The following SLC10A6 variants were observed in gnomAD, a reference collection of about 807,000 sequenced individuals.
The protein encoded by SLC10A6 is sodium-dependent organic anion transporter.
Under a neutral mutation model 30.0 loss-of-function variants are expected in SLC10A6, and 27 were observed. The ratio of observed to expected loss-of-function variants is 0.90; its 90% CI spans 0.66 to 1.24. The LOEUF is 1.24. Ranked by LOEUF, SLC10A6 falls within the 50% of genes most tolerant of loss-of-function variation. SLC10A6 has a pLI of 0.00. For missense variants in SLC10A6, 439 were observed against 457.0 expected (o/e 0.96, Z 0.36); for synonymous variants, 166 against 173.8 (o/e 0.95, Z 0.36).
chr4:86,849,214 C>A lies in SLC10A6; in HGVS notation c.-99G>T. 3 of 1,364,690 alleles carry A rather than the reference C, an allele frequency of 2.2e-6. No homozygotes were observed. Among genetic ancestry groups the A allele is most frequent in the Non-Finnish European group, 3.0e-6 (3 of 1,003,282 alleles). The allele number at this position is 1,364,690 out of a possible 1,614,324, so 84.5% of individuals were successfully genotyped here. A position where few individuals can be genotyped will look rare whatever the true frequency, so the allele number is the denominator to read the frequency against. ...TTTGTAATAGTGCAACGAAGTCACA[C>A]ATGGAGAATCATTCCAATAACTGTT... On this transcript the variant is annotated 5_prime_UTR_variant, in exon 1 of 6. The change abolishes an upstream ATG in the 5' untranslated region. Transcript: ENST00000273905.
intron 3 of SLC10A6, 68 bp from the exon 4 acceptor site, chr4:86,828,236 A>G: frequency 1.3e-6 from 2 of 1,490,894 alleles, no homozygotes; most frequent in Non-Finnish European, 1.8e-6. Context: ...AAAGTCCATC[A>G]AGGTTGTAAA....
intron 1 of SLC10A6, among the ~76,000 whole-genome samples, chr4:86,841,177 G>A (rs777446684): frequency 2.0e-5 from 3 of 152,164 alleles, no homozygotes; most frequent in Non-Finnish European, 4.4e-5. Flanking sequence ...GGCTCAAACA[G>A]CAGAAAGGTA....
intron 5 of SLC10A6, among the ~76,000 whole-genome samples, chr4:86,824,844 T>G (rs1486892378): frequency 6.6e-6 from 1 of 152,212 alleles, no homozygotes; most frequent in Non-Finnish European, 1.5e-5. Flanking sequence ...GCATTATATA[T>G]ATTTTTAAAT....
In SLC10A6 at chr4:86,837,338, G is replaced by GC. The variant is rs1560460509; in HGVS notation, c.378-3915_378-3914insG. On this transcript the variant is annotated intron_variant, in intron 1 of 5. Coordinates refer to ENST00000273905, the MANE Select transcript of SLC10A6 (RefSeq NM_197965.3). ...GGAAGGAAGGAAGGAAGGAAGGAAG[G>GC]AAGGAAGGCAGGCAGGCAGGCTGGG... Among the ~76,000 whole-genome samples, 677 of 150,184 alleles carry GC rather than the reference G, an allele frequency of 4.5e-3. 76 individuals are homozygous for GC. Among genetic ancestry groups the GC allele is most frequent in the African/African-American group, 0.015 (606 of 40,472 alleles).
intron 1 of SLC10A6, among the ~76,000 whole-genome samples, chr4:86,848,347 G>A (rs1439516352): frequency 6.6e-6 from 1 of 152,180 alleles, no homozygotes; most frequent in African/African-American, 2.4e-5. Flanking sequence ...CTATGCCACT[G>A]ACACAACCAC....
At chr4:86,840,825 A>T (rs1746277865) in intron 1 of SLC10A6, among the ~76,000 whole-genome samples, 2 of 152,204 alleles carry the variant, frequency 1.3e-5, no homozygotes, top group South Asian at 4.1e-4. Flanking sequence ...AAATACCTCC[A>T]CATAAATTTC....
intron 2 of SLC10A6, among the ~76,000 whole-genome samples, chr4:86,832,584 C>CT (rs1300668068): frequency 7.3e-6 from 1 of 136,076 alleles, no homozygotes; most frequent in African/African-American, 3.2e-5. Flanking sequence ...GAGCAAAACT[C>CT]TGTCTCAAAA....
At chr4:86,848,411 C>A (rs1445122180) in intron 1 of SLC10A6, among the ~76,000 whole-genome samples, 1 of 152,152 alleles carries the variant, frequency 6.6e-6, no homozygotes, top group Non-Finnish European at 1.5e-5. Context: ...TGGTTTAAGT[C>A]CTAGGAGTTG....
At chr4:86,839,294 T>C (rs992012378) in intron 1 of SLC10A6, among the ~76,000 whole-genome samples, 1 of 126,484 alleles carries the variant, frequency 7.9e-6, no homozygotes, top group African/African-American at 3.0e-5. Context: ...AAAAAAAAAG[T>C]ACAAAAATTA....
At chr4:86,835,421 C>T (rs986049774) in intron 1 of SLC10A6, among the ~76,000 whole-genome samples, 1 of 152,204 alleles carries the variant, frequency 6.6e-6, no homozygotes, top group African/African-American at 2.4e-5. Context: ...AATCCCAGCA[C>T]TTTGGGAGGC....
chr4:86,832,603 CA>C (rs1487225641), intron 2 of SLC10A6, among the ~76,000 whole-genome samples: 4 of 145,780 alleles, frequency 2.7e-5, no homozygotes, highest in African/African-American at 1.0e-4. Flanking sequence ...AAAAAAAAAA[CA>C]AAAAAACATA....
At position 86,831,872 on chromosome 4, in the gene SLC10A6, G is replaced by A. The variant is rs1746087203; in HGVS notation, c.505C>T (p.Leu169Phe). The change falls in exon 3 of 6, where the codon CTT (leucine) becomes TTT (phenylalanine). Residue 169 changes from leucine (L) to phenylalanine (F), a missense_variant. Coordinates refer to ENST00000273905, the MANE Select transcript of SLC10A6 (RefSeq NM_197965.3). The stretch of plus-strand genomic sequence containing the variant: ...GCCACAGGAATGGTCAGGCACACAA[G>A]GGTAATTCCTAAAGAGAAGAAAAAT... The part of the protein sequence containing the change: ...TIPYQNIGIT[L>F]VCLTIPVAFG... 1 of 1,612,632 alleles carries A rather than the reference G, an allele frequency of 6.2e-7. No individual in the cohort carries two copies. The highest frequency in any genetic ancestry group is 8.5e-7 in the Non-Finnish European group (1 of 1,179,096).
At position 86,825,383 on chromosome 4, in the gene SLC10A6, C is replaced by A. The variant is rs760378374; in HGVS notation, c.919+37G>T. On this transcript the variant is annotated intron_variant, in intron 5 of 5. Coordinates refer to ENST00000273905, the MANE Select transcript of SLC10A6 (RefSeq NM_197965.3). ...TTGGTAAGTTGGGGTGAACAATTTC[C>A]CGTCAGTTATTTCCTACCCAATGGG... 16 of 1,549,158 alleles carry A rather than the reference C, an allele frequency of 1.0e-5. No individual in the cohort carries two copies. In the South Asian group the frequency reaches 1.9e-4, roughly 19 times the overall value.
At chr4:86,834,088 G>A (rs1746136815) in intron 1 of SLC10A6, among the ~76,000 whole-genome samples, 1 of 152,270 alleles carries the variant, frequency 6.6e-6, no homozygotes, top group East Asian at 1.9e-4. Flanking sequence ...CGTTGGAGGC[G>A]GGGGCAAGTG....
At chr4:86,834,863 G>T (rs1197618571) in intron 1 of SLC10A6, among the ~76,000 whole-genome samples, 2 of 152,120 alleles carry the variant, frequency 1.3e-5, no homozygotes. Context: ...GGGGGAGCAG[G>T]TATCTCACAT....
chr4:86,824,747 C>T (rs778964386), intron 5 of SLC10A6, among the ~76,000 whole-genome samples: 2 of 152,006 alleles, frequency 1.3e-5, no homozygotes, highest in Non-Finnish European at 2.9e-5. Flanking sequence ...CTAGTAGTCC[C>T]CAGTTTCTAT....
intron 1 of SLC10A6, 148 bp from the exon 2 acceptor site, chr4:86,833,572 A>G (rs1422483743): frequency 1.8e-6 from 1 of 554,264 alleles, no homozygotes; most frequent in Non-Finnish European, 3.2e-6. Context: ...TGTTTAACAA[A>G]CGATGGCTAT....
chr4:86,843,959 A>G (rs954249656), intron 1 of SLC10A6, among the ~76,000 whole-genome samples: 2 of 152,062 alleles, frequency 1.3e-5, no homozygotes, highest in Admixed American at 6.5e-5. Flanking sequence ...TGGGCGGATC[A>G]TGAGGTCAGG....
chr4:86,831,766 C>A, intron 3 of SLC10A6, 26 bp downstream of exon 3: 1 of 1,591,330 alleles, frequency 6.3e-7, no homozygotes, highest in South Asian at 1.1e-5. Context: ...TGAGGACGTG[C>A]CAACAGTGGC....
Sources: allele counts gnomAD v4.1 joint callset (sites outside exome capture counted in the v4.1 genomes callset), GRCh38; gene constraint gnomAD v4.1.1; transcripts MANE v1.5; gene names NCBI Gene and HGNC (gene_info 2026-07-23, HGNC 2026-07-21).